The following DSTN variants were observed in gnomAD, a reference collection of about 807,000 sequenced individuals.
DSTN encodes destrin, actin depolymerizing factor.
Under a neutral mutation model 16.8 loss-of-function variants are expected in DSTN, and 10 were observed. The ratio of observed to expected loss-of-function variants is 0.60; its 90% CI spans 0.37 to 1.01. The LOEUF is 1.01. Among genes scored for constraint, DSTN ranks in the 50% least tolerant of loss-of-function variants. DSTN has a pLI of 0.01. For synonymous variants in DSTN, 57 were observed against 58.9 expected (o/e 0.97, Z 0.14); for missense variants, 141 against 196.7 (o/e 0.72, Z 1.69).
At chr20:17,597,894 G>T (rs1260699614) in intron 1 of DSTN, among the ~76,000 whole-genome samples, 1 of 152,066 alleles carries the variant, frequency 6.6e-6, no homozygotes, top group Non-Finnish European at 1.5e-5. Context: ...TCTACCTACT[G>T]TCTGTTGATT....
intron 2 of DSTN, among the ~76,000 whole-genome samples, chr20:17,604,310 C>T (rs2035618080): frequency 1.3e-5 from 2 of 152,130 alleles, no homozygotes; most frequent in African/African-American, 4.8e-5. Flanking sequence ...TGGTGATTGT[C>T]TTTTGCCACC....
chr20:17,602,393 G>A (rs576440767), intron 2 of DSTN, among the ~76,000 whole-genome samples: 57 of 152,320 alleles, frequency 3.7e-4, no homozygotes, highest in African/African-American at 9.1e-4. Context: ...GTGGCAGACA[G>A]GCCAGCTAAT....
intron 1 of DSTN, chr20:17,576,629 C>T (rs371217238): frequency 1.2e-4 from 18 of 152,318 alleles, no homozygotes; most frequent in East Asian, 3.9e-4. Context: ...TGCAGCACGG[C>T]ATAGATGAGT....
At chr20:17,573,770 C>G (rs2035234986) in intron 1 of DSTN, among the ~76,000 whole-genome samples, 1 of 152,040 alleles carries the variant, frequency 6.6e-6, no homozygotes, top group South Asian at 2.1e-4. Flanking sequence ...TGAGCTGACT[C>G]TTTTCATATG....
chr20:17,570,734 A>G (rs148911853), intron 1 of DSTN, among the ~76,000 whole-genome samples: 2 of 152,368 alleles, frequency 1.3e-5, no homozygotes, highest in East Asian at 1.9e-4. Context: ...GAACAGTCCT[A>G]GAGCACGGAA....
intron 1 of DSTN, among the ~76,000 whole-genome samples, chr20:17,573,087 C>T (rs921500333): frequency 2.6e-5 from 4 of 152,092 alleles, no homozygotes; most frequent in Non-Finnish European, 5.9e-5. Flanking sequence ...TACCTGTTTC[C>T]CAGAACACAA....
chr20:17,583,735 C>CTTGTTTTTTTTTTTTTTTTTTTTT (rs2035372559), intron 1 of DSTN, among the ~76,000 whole-genome samples: 1 of 72,484 alleles, frequency 1.4e-5, no homozygotes, highest in Non-Finnish European at 2.4e-5. Flanking sequence ...TTTGGAGTTT[C>CTTGTTTTTTTTTTTTTTTTTTTTT]TTTTTTTTTT....
intron 1 of DSTN, among the ~76,000 whole-genome samples, chr20:17,574,865 C>CTTTTCTTTTCTTTTT (rs1354147534): frequency 4.7e-5 from 3 of 64,266 alleles, no homozygotes; most frequent in African/African-American, 1.8e-4. Flanking sequence ...CTTTTCTTTT[C>CTTTTCTTTTCTTTTT]TTTTGTTTTT....
At chr20:17,578,904 T>A (rs1044687314) in intron 1 of DSTN, among the ~76,000 whole-genome samples, 4 of 136,696 alleles carry the variant, frequency 2.9e-5, no homozygotes, top group African/African-American at 1.2e-4. Context: ...CAGGTGGCAG[T>A]GAGCCAAGAT....
chr20:17,596,553 T>C (rs2035528747), intron 1 of DSTN: 7 of 904,070 alleles, frequency 7.7e-6, no homozygotes, highest in African/African-American at 1.8e-5. Flanking sequence ...CTTTGACATG[T>C]CCTTGAATTT....
At chr20:17,574,748 TTAAAAG>T in intron 1 of DSTN, among the ~76,000 whole-genome samples, 1 of 64,572 alleles carries the variant, frequency 1.5e-5, no homozygotes, top group African/African-American at 3.7e-5. Flanking sequence ...AAAAAAAAAA[TTAAAAG>T]TCTAAAAAAC....
At chr20:17,591,111 T>C (rs1430512939) in intron 1 of DSTN, among the ~76,000 whole-genome samples, 1 of 151,536 alleles carries the variant, frequency 6.6e-6, no homozygotes, top group Non-Finnish European at 1.5e-5. Context: ...CTGTCCCCCT[T>C]CCCCCCCAGA....
chr20:17,592,766 C>A (rs1345712539), intron 1 of DSTN, among the ~76,000 whole-genome samples: 1 of 152,034 alleles, frequency 6.6e-6, no homozygotes, highest in Non-Finnish European at 1.5e-5. Flanking sequence ...ACCATACAGA[C>A]TCCTTCCTTT....
Position 17,607,976 on chromosome 20 carries a change from T to C in DSTN, c.*830T>C, listed in dbSNP as rs899198279. ...ATCTCCTTCAGAAGTTTGCTTCTTA[T>C]GGTATAATAAAGTATGGAAGAATAT... is the stretch of plus-strand genomic sequence containing the variant. On this transcript the variant is annotated 3_prime_UTR_variant, in exon 4 of 4. Coordinates refer to ENST00000246069, the MANE Select transcript of DSTN (RefSeq NM_006870.4). 1.3e-5 allele frequency: 2 copies of C among 152,224 alleles called. No homozygotes were observed. The highest frequency in any genetic ancestry group is 2.9e-5 in the Non-Finnish European group (2 of 68,038). The allele number at this position is 152,224 out of a possible 1,614,324, so 9.4% of individuals were successfully genotyped here. A position where few individuals can be genotyped will look rare whatever the true frequency, so the allele number is the denominator to read the frequency against.
At chr20:17,606,968 T>C in intron 3 of DSTN, 69 bp from the exon 4 acceptor site, 1 of 1,503,166 alleles carries the variant, frequency 6.7e-7, no homozygotes, top group Non-Finnish European at 9.2e-7. Flanking sequence ...TTTAAAAGTT[T>C]GGTTATCTTA....
At chr20:17,570,242 G>T in intron 1 of DSTN, 31 bp downstream of exon 1, 1 of 1,490,636 alleles carries the variant, frequency 6.7e-7, no homozygotes, top group Non-Finnish European at 8.9e-7. Context: ...GGCGTGGGCC[G>T]AGGCGGCCGG....
intron 1 of DSTN, among the ~76,000 whole-genome samples, chr20:17,587,965 C>T (rs1360598009): frequency 6.6e-6 from 1 of 152,206 alleles, no homozygotes; most frequent in Non-Finnish European, 1.5e-5. Context: ...AGAAAAGGGA[C>T]ATCTTCACCT....
intron 1 of DSTN, among the ~76,000 whole-genome samples, chr20:17,577,523 C>T (rs1008301441): frequency 2.6e-5 from 4 of 151,382 alleles, no homozygotes; most frequent in South Asian, 4.2e-4. Flanking sequence ...ACCGAGATCA[C>T]GCCACTGCAC....
chr20:17,606,832 C>A (rs922188300), intron 3 of DSTN, among the ~76,000 whole-genome samples: 1 of 152,172 alleles, frequency 6.6e-6, no homozygotes, highest in Non-Finnish European at 1.5e-5. Flanking sequence ...AATCTGGATT[C>A]TTTCAGTGAA....
Sources: gnomAD v4.1 joint callset for allele counts (sites outside exome capture counted in the v4.1 genomes callset) on GRCh38, gnomAD v4.1.1 for gene constraint, MANE v1.5 for transcripts, NCBI Gene and HGNC (gene_info 2026-07-23, HGNC 2026-07-21) for gene names.